The following LIMCH1 variants were observed in gnomAD, a reference collection of about 807,000 sequenced individuals.
The protein encoded by LIMCH1 is LIM and calponin homology domains-containing protein 1.
In LIMCH1, 113 loss-of-function variants were observed where a neutral mutation model predicts 176.5. That is an observed-to-expected ratio of 0.64 (90% CI 0.55 to 0.75). The LOEUF (loss-of-function observed/expected upper bound fraction) is 0.75, where lower values mean the gene tolerates loss of function less well. LIMCH1 is among the 30% of genes least tolerant of loss of function. LIMCH1 has a pLI of 0.00. For missense variants in LIMCH1, 1,674 were observed against 1,814.9 expected, an observed-to-expected ratio of 0.92 and a Z score of 1.41; for synonymous variants, 619 against 645.9, an observed-to-expected ratio of 0.96 and a Z score of 0.63.
intron 1 of LIMCH1, among the ~76,000 whole-genome samples, chr4:41,590,996 T>C (rs986297743): frequency 9.2e-5 from 14 of 152,220 alleles, no homozygotes; most frequent in Admixed American, 2.6e-4. Flanking sequence ...AGTTTCTTAA[T>C]TGCATTTCTG....
intron 1 of LIMCH1, among the ~76,000 whole-genome samples, chr4:41,492,283 C>T (rs2071215842): frequency 6.6e-6 from 1 of 152,084 alleles, no homozygotes; most frequent in Non-Finnish European, 1.5e-5. Flanking sequence ...TGCCTGGAAT[C>T]CCAGGCACTG....
chr4:41,418,574 C>G (rs533835013), intron 1 of LIMCH1, among the ~76,000 whole-genome samples: 1 of 152,252 alleles, frequency 6.6e-6, no homozygotes, highest in African/African-American at 2.4e-5. Flanking sequence ...GTCTGGTTGA[C>G]AAGCCTCCGT....
At chr4:41,678,285 A>G (rs1712689128) in intron 23 of LIMCH1, among the ~76,000 whole-genome samples, 1 of 150,876 alleles carries the variant, frequency 6.6e-6, no homozygotes, top group Non-Finnish European at 1.5e-5. Flanking sequence ...ATGAGGTGGT[A>G]GACAGTGATT....
At chr4:41,623,614 A>G (rs1207231329) in intron 7 of LIMCH1, among the ~76,000 whole-genome samples, 3 of 152,138 alleles carry the variant, frequency 2.0e-5, no homozygotes, top group Non-Finnish European at 1.5e-5. Context: ...CAAAAAAATT[A>G]GCCAGGCGTG....
chr4:41,562,369 C>A (rs548003574), intron 1 of LIMCH1, among the ~76,000 whole-genome samples: 1 of 152,086 alleles, frequency 6.6e-6, no homozygotes, highest in South Asian at 2.1e-4. Flanking sequence ...TCCCTTGTCT[C>A]CTGTAACATT....
At chr4:41,611,142 A>G (rs1018356214) in intron 4 of LIMCH1, among the ~76,000 whole-genome samples, 4 of 152,162 alleles carry the variant, frequency 2.6e-5, no homozygotes, top group Admixed American at 2.6e-4. Flanking sequence ...ATTTTACTGT[A>G]TGTTTTCTAT....
chr4:41,666,519 G>C (rs1382164947), intron 20 of LIMCH1, 42 bp from the exon 21 acceptor site: 1 of 1,270,390 alleles, frequency 7.9e-7, no homozygotes, highest in Non-Finnish European at 1.2e-6. Flanking sequence ...ATTTATCAAT[G>C]GACAGTTCTT....
intron 1 of LIMCH1, among the ~76,000 whole-genome samples, chr4:41,454,900 T>G (rs77918301): frequency 6.6e-6 from 1 of 151,788 alleles, no homozygotes. Context: ...GCACAGAAAA[T>G]GTATACCTGA....
intron 1 of LIMCH1, among the ~76,000 whole-genome samples, chr4:41,433,988 T>C (rs1250708935): frequency 6.6e-6 from 1 of 152,046 alleles, no homozygotes; most frequent in Non-Finnish European, 1.5e-5. Flanking sequence ...CTTTTTAGGG[T>C]TCTGGACAGA....
chr4:41,679,697 G>C (rs1449664712), intron 23 of LIMCH1, among the ~76,000 whole-genome samples: 1 of 152,016 alleles, frequency 6.6e-6, no homozygotes, highest in African/African-American at 2.4e-5. Flanking sequence ...CCAAACTATT[G>C]GTTTAGCACA....
intron 7 of LIMCH1, among the ~76,000 whole-genome samples, chr4:41,623,529 G>A (rs572659310): frequency 3.3e-5 from 5 of 152,226 alleles, no homozygotes; most frequent in Admixed American, 1.3e-4. Flanking sequence ...AGGCCGAGGC[G>A]GGCGGATCAC....
chr4:41,494,563 A>G, exon 2 of LIMCH1: 1 of 1,613,386 alleles, frequency 6.2e-7, no homozygotes, highest in Non-Finnish European at 8.5e-7. Flanking sequence ...TTTTGGTGAT[A>G]AAGATTTTCG....
chr4:41,538,236 A>G lies in LIMCH1; in HGVS notation c.-355A>G. 7 of 985,550 alleles carry G rather than the reference A, an allele frequency of 7.1e-6. No homozygotes were observed. Among genetic ancestry groups the G allele is most frequent in the Non-Finnish European group, 8.4e-6 (7 of 830,002 alleles). The allele number at this position is 985,550 out of a possible 1,614,324, so 61.1% of individuals were successfully genotyped here. A position where few individuals can be genotyped will look rare whatever the true frequency, so the allele number is the denominator to read the frequency against. On this transcript the variant is annotated 5_prime_UTR_variant, in exon 1 of 32. It removes the in-frame stop codon of an upstream open reading frame in the 5' UTR. Coordinates refer to ENST00000503057, the MANE Select transcript of LIMCH1 (RefSeq NM_001330672.2). The stretch of plus-strand genomic sequence containing the variant: ...ACGACTGTTTTGGGAAAGGAAATGT[A>G]AGGGCATTTCGGCTGCTGTGCTGGG...
chr4:41,463,802 C>T (rs940307704), intron 1 of LIMCH1, among the ~76,000 whole-genome samples: 2 of 151,984 alleles, frequency 1.3e-5, no homozygotes, highest in Non-Finnish European at 2.9e-5. Context: ...TGGTCCTGAA[C>T]TCCTGACCTA....
chr4:41,641,871 C>T (rs762116151), intron 14 of LIMCH1, among the ~76,000 whole-genome samples: 2 of 152,146 alleles, frequency 1.3e-5, no homozygotes, highest in Non-Finnish European at 2.9e-5. Flanking sequence ...AAAGGGCAAA[C>T]GAGTTTCTCC....
At chr4:41,484,892 T>C (rs2069243577) in intron 1 of LIMCH1, among the ~76,000 whole-genome samples, 1 of 152,174 alleles carries the variant, frequency 6.6e-6, no homozygotes, top group Non-Finnish European at 1.5e-5. Context: ...CCAGATTGCT[T>C]TCAAAAAACA....
At chr4:41,594,050 G>C (rs2088207192) in intron 1 of LIMCH1, among the ~76,000 whole-genome samples, 1 of 152,070 alleles carries the variant, frequency 6.6e-6, no homozygotes, top group Non-Finnish European at 1.5e-5. Flanking sequence ...AATTCATGTG[G>C]ATGCTTAAAA....
intron 14 of LIMCH1, among the ~76,000 whole-genome samples, chr4:41,640,232 A>G (rs2093764515): frequency 6.6e-6 from 1 of 152,276 alleles, no homozygotes; most frequent in Non-Finnish European, 1.5e-5. Context: ...TGCAATGGCA[A>G]TATTTAACAT....
At chr4:41,670,268 A>C (rs1401189452) in intron 21 of LIMCH1, among the ~76,000 whole-genome samples, 1 of 152,178 alleles carries the variant, frequency 6.6e-6, no homozygotes, top group Non-Finnish European at 1.5e-5. Context: ...CGTACAAAAA[A>C]CTTCTGCCAC....
Sources: allele counts gnomAD v4.1 joint callset (sites outside exome capture counted in the v4.1 genomes callset), GRCh38; gene constraint gnomAD v4.1.1; transcripts MANE v1.5; gene names NCBI Gene and HGNC (gene_info 2026-07-23, HGNC 2026-07-21).